The following AGAP1 variants were observed in gnomAD, a reference collection of about 807,000 sequenced individuals.
The protein encoded by AGAP1 is arf-GAP with GTPase, ANK repeat and PH domain-containing protein 1.
A neutral mutation model predicts 105.3 loss-of-function variants in AGAP1; 29 were observed. The observed-to-expected ratio is 0.28, with a 90% CI of 0.21 to 0.38. The LOEUF is 0.38. AGAP1 is among the 10% of genes least tolerant of loss of function. The pLI, the probability that AGAP1 is intolerant of heterozygous loss-of-function variation, is 1.00. For synonymous variants in AGAP1, 509 were observed against 485.9 expected (o/e 1.05, Z -0.63); for missense variants, 998 against 1,165.1 (o/e 0.86, Z 2.09).
chr2:235,852,899 T>C, intron 9 of AGAP1: 1 of 1,329,188 alleles, frequency 7.5e-7, no homozygotes, highest in Non-Finnish European at 9.7e-7. Flanking sequence ...GCCGATAGCT[T>C]GCAGGCCGCT....
intron 1 of AGAP1, among the ~76,000 whole-genome samples, chr2:235,645,804 G>A (rs188437527): frequency 7.2e-5 from 11 of 152,310 alleles, no homozygotes; most frequent in Admixed American, 5.2e-4. Context: ...AGAATTTATA[G>A]GAAGGTGATT....
intron 6 of AGAP1, among the ~76,000 whole-genome samples, chr2:235,775,228 T>C (rs1955773093): frequency 6.6e-6 from 1 of 152,144 alleles, no homozygotes; most frequent in Non-Finnish European, 1.5e-5. Context: ...TCCCAGACTG[T>C]AGCACACTCT....
intron 16 of AGAP1, among the ~76,000 whole-genome samples, chr2:236,057,690 C>T (rs1255090596): frequency 2.0e-5 from 3 of 152,154 alleles, no homozygotes; most frequent in East Asian, 3.9e-4. Context: ...AATATGGAGC[C>T]ATGTCTCAGG....
In AGAP1 at chr2:235,891,754, C is replaced by T. The variant is rs146222820; in HGVS notation, c.1155+8305C>T. Reference sequence around the variant, plus strand: ...TGTCTAGGAAAGCTCACCAGTGTTCCGGTCCTGGCTCTCTGGGCTTCCTCA... The same window carrying T: ...TGTCTAGGAAAGCTCACCAGTGTTCTGGTCCTGGCTCTCTGGGCTTCCTCA... On this transcript the variant is annotated intron_variant, in intron 10 of 17. Coordinates refer to ENST00000304032, the MANE Select transcript of AGAP1 (RefSeq NM_001037131.3). The surrounding 1 kb of genome is among the most constrained non-coding windows in gnomAD (Gnocchi z 4.2). Among the ~76,000 whole-genome samples, 30 of 152,280 alleles carry T rather than the reference C, an allele frequency of 2.0e-4. No individual in the cohort carries two copies. The highest frequency in any genetic ancestry group is 7.0e-4 in the African/African-American group (29 of 41,574).
chr2:235,506,828 G>A (rs34475626), intron 1 of AGAP1: 24,941 of 151,944 alleles, frequency 0.16, 2,318 homozygotes, highest in East Asian at 0.27. Context: ...ATGAGGGCGG[G>A]GCCTCGGGAA....
rs1211960638 is a variant in AGAP1 at position 235,908,170 on chromosome 2, T to C, written c.1156-568T>C. Among the ~76,000 whole-genome samples, 1 of 152,172 alleles carries C rather than the reference T, an allele frequency of 6.6e-6. No homozygotes were observed. Among genetic ancestry groups the C allele is most frequent in the Non-Finnish European group, 1.5e-5 (1 of 68,026 alleles). ...CTGTCCACCGAGGCTTCCCTGTAGTTCTCTGATTGCTGCTGGTCATTTGCT... is the reference window on the plus strand; with the variant it reads ...CTGTCCACCGAGGCTTCCCTGTAGTCCTCTGATTGCTGCTGGTCATTTGCT... On this transcript the variant is annotated intron_variant, in intron 10 of 17. Transcript: ENST00000304032. The surrounding 1 kb of genome is among the most constrained non-coding windows in gnomAD (Gnocchi z 4.4).
Position 235,824,474 on chromosome 2 carries a change from A to G in AGAP1, c.1050+17143A>G, listed in dbSNP as rs1313088081. Among the ~76,000 whole-genome samples, 1 of 152,244 alleles carries G rather than the reference A, an allele frequency of 6.6e-6. No individual in the cohort carries two copies. Among genetic ancestry groups the G allele is most frequent in the Non-Finnish European group, 1.5e-5 (1 of 68,044 alleles). ...AAATAATGTTGTACAGCCAATCAAA[A>G]AGAGATACTTGTAAACTCATTTACA... On this transcript the variant is annotated intron_variant, in intron 9 of 17. Transcript: ENST00000304032. This position sits in a 1 kb window ranked among gnomAD's most constrained non-coding sequence, Gnocchi z 5.2.
intron 1 of AGAP1, chr2:235,524,549 AC>A: frequency 3.9e-6 from 1 of 253,394 alleles, no homozygotes; most frequent in Admixed American, 5.1e-5. Flanking sequence ...GGTAAGTATA[AC>A]CCCCACCCCA....
chr2:235,810,833 C>CTTTTT (rs76910320), intron 9 of AGAP1, among the ~76,000 whole-genome samples: 8 of 113,112 alleles, frequency 7.1e-5, no homozygotes, highest in East Asian at 2.5e-4. Context: ...AATTCGGTTT[C>CTTTTT]TTTTTTTTTT....
At position 235,959,125 on chromosome 2, in the gene AGAP1, C is replaced by CT. The variant is rs1300680974; in HGVS notation, c.1484-9331dup. ...CGCTCGCTTTTTTAATTTGGCATGGCTTTTTTCTCTTAGCCTCTCCCCTCC... is the reference window on the plus strand; with the variant it reads ...CGCTCGCTTTTTTAATTTGGCATGGCTTTTTTTCTCTTAGCCTCTCCCCTCC... On this transcript the variant is annotated intron_variant, in intron 12 of 17. Transcript: ENST00000304032. The surrounding 1 kb of genome is among the most constrained non-coding windows in gnomAD (Gnocchi z 7.3). Among the ~76,000 whole-genome samples the CT allele has an allele frequency of 6.6e-6, 1 of 152,168 alleles. No individual in the cohort carries two copies. Among genetic ancestry groups the CT allele is most frequent in the East Asian group, 1.9e-4 (1 of 5,184 alleles).
Position 235,528,499 on chromosome 2 carries a change from C to T in AGAP1, c.163+33650C>T, listed in dbSNP as rs531796269. ...AAATGACAGAAATGCAGGGAAAAGTCGAAGCACAGTGTGTGGGAGTTGCAT... is the reference window on the plus strand; with the variant it reads ...AAATGACAGAAATGCAGGGAAAAGTTGAAGCACAGTGTGTGGGAGTTGCAT... On this transcript the variant is annotated intron_variant, in intron 1 of 17. Coordinates refer to ENST00000304032, the MANE Select transcript of AGAP1 (RefSeq NM_001037131.3). Among the ~76,000 whole-genome samples the T allele has an allele frequency of 9.2e-5, 14 of 152,092 alleles. No individual in the cohort carries two copies. In the South Asian group the frequency reaches 1.9e-3, roughly 20 times the overall value.
chr2:235,685,678 GA>G (rs1949342628), intron 1 of AGAP1, among the ~76,000 whole-genome samples: 1 of 151,856 alleles, frequency 6.6e-6, no homozygotes, highest in African/African-American at 2.4e-5. Context: ...AGCACCTTTC[GA>G]TTTTTTTTAC....
At position 235,627,202 on chromosome 2, in the gene AGAP1, T is replaced by G. The variant is rs558439711; in HGVS notation, c.164-81977T>G. On this transcript the variant is annotated intron_variant, in intron 1 of 17. Coordinates refer to ENST00000304032, the MANE Select transcript of AGAP1 (RefSeq NM_001037131.3). ...CCAGGCTGTTTTGAGGTTTTTTTTTTTTTTTTTTTTTTTTGATAGGGTCTC... is the reference window on the plus strand; with the variant it reads ...CCAGGCTGTTTTGAGGTTTTTTTTTGTTTTTTTTTTTTTTGATAGGGTCTC... Among the ~76,000 whole-genome samples, 35 of 146,570 alleles carry G rather than the reference T, an allele frequency of 2.4e-4. No individual in the cohort carries two copies. In the South Asian group the frequency reaches 7.7e-3, roughly 32 times the overall value.
intron 16 of AGAP1, among the ~76,000 whole-genome samples, chr2:236,077,138 A>ATATATAT (rs1176952323): frequency 2.9e-5 from 4 of 139,282 alleles, no homozygotes; most frequent in African/African-American, 1.2e-4. Flanking sequence ...AAAAAAAAAA[A>ATATATAT]AAAAATATAT....
chr2:235,568,487 G>A (rs73120470), intron 1 of AGAP1, among the ~76,000 whole-genome samples: 3,222 of 152,282 alleles, frequency 0.021, 117 homozygotes, highest in African/African-American at 0.073. Flanking sequence ...AGCATGTGGC[G>A]GGCACCTGGC....
chr2:236,080,675 A>G lies in AGAP1; in HGVS notation c.2114+31394A>G, dbSNP rs1322219734. Reference sequence around the variant, plus strand: ...TAGTGGTTTAAAGTAACACGGAAGTATTCCATTACAGTTCTGGAGGTCAGA... The same window carrying G: ...TAGTGGTTTAAAGTAACACGGAAGTGTTCCATTACAGTTCTGGAGGTCAGA... On this transcript the variant is annotated intron_variant, in intron 16 of 17. Transcript: ENST00000304032. The surrounding 1 kb of genome is among the most constrained non-coding windows in gnomAD (Gnocchi z 4.2). Among the ~76,000 whole-genome samples, 1 of 152,238 alleles carries G rather than the reference A, an allele frequency of 6.6e-6. No individual in the cohort carries two copies. The highest frequency in any genetic ancestry group is 6.5e-5 in the Admixed American group (1 of 15,290).
At chr2:235,923,863 AGAG>A (rs1363009974) in intron 11 of AGAP1, among the ~76,000 whole-genome samples, 3 of 152,218 alleles carry the variant, frequency 2.0e-5, no homozygotes, top group Non-Finnish European at 2.9e-5. Flanking sequence ...TGAAAGGAGA[AGAG>A]AAATCTTAAA....
In AGAP1 at chr2:235,960,130, G is replaced by A. The variant is rs141652438; in HGVS notation, c.1484-8332G>A. Among the ~76,000 whole-genome samples the A allele has an allele frequency of 6.8e-3, 1,038 of 152,240 alleles. 8 individuals carry two copies. The highest frequency in any genetic ancestry group is 0.023 in the African/African-American group (940 of 41,548). On this transcript the variant is annotated intron_variant, in intron 12 of 17. Transcript: ENST00000304032. The surrounding 1 kb of genome is among the most constrained non-coding windows in gnomAD (Gnocchi z 4.9). ...AAATGGGGGCGGGGAGGGTGCTTGCGGACCCACCCTGGAGGACCTCGGCCC... is the reference window on the plus strand; with the variant it reads ...AAATGGGGGCGGGGAGGGTGCTTGCAGACCCACCCTGGAGGACCTCGGCCC...
chr2:235,789,922 A>T lies in AGAP1; in HGVS notation c.674-7837A>T, dbSNP rs776648738. The stretch of plus-strand genomic sequence containing the variant: ...AATTTATGACCTGTTTAGTTGCAGG[A>T]TGTCTTACCTTCCTTGTTAGTATTT... On this transcript the variant is annotated intron_variant, in intron 6 of 17. Transcript: ENST00000304032. The surrounding 1 kb of genome is among the most constrained non-coding windows in gnomAD (Gnocchi z 4.2). 1.3e-5 allele frequency among the ~76,000 whole-genome samples: 2 copies of T among 152,198 alleles called. No homozygotes were observed. Among genetic ancestry groups the T allele is most frequent in the African/African-American group, 2.4e-5 (1 of 41,444 alleles).
Sources: allele counts gnomAD v4.1 joint callset (sites outside exome capture counted in the v4.1 genomes callset), GRCh38; gene constraint gnomAD v4.1.1; non-coding constraint Gnocchi (gnomAD v3.1); transcripts MANE v1.5; gene names NCBI Gene and HGNC (gene_info 2026-07-23, HGNC 2026-07-21).